SLC39A12: variants seen among roughly 807,000 people sequenced by gnomAD.
The protein encoded by SLC39A12 is zinc transporter ZIP12.
In SLC39A12, 63 loss-of-function variants were observed where a neutral mutation model predicts 71.1. That is an observed-to-expected ratio of 0.89 (90% CI 0.72 to 1.09). SLC39A12 has a LOEUF of 1.09. Among genes scored for constraint, SLC39A12 ranks in the 50% least tolerant of loss-of-function variants. The pLI is 0.00. For synonymous variants in SLC39A12, 351 were observed against 301.3 expected, an observed-to-expected ratio of 1.16 and a Z score of -1.71; for missense variants, 892 against 812.6, an observed-to-expected ratio of 1.10 and a Z score of -1.19.
At chr10:18,042,494 A>G (rs952957193) in intron 12 of SLC39A12, among the ~76,000 whole-genome samples, 7 of 151,424 alleles carry the variant, frequency 4.6e-5, no homozygotes, top group African/African-American at 1.7e-4. Context: ...GACTTTGCCA[A>G]TCCTGGGATC....
At chr10:17,965,207 A>G (rs937420645) in intron 3 of SLC39A12, among the ~76,000 whole-genome samples, 4 of 151,478 alleles carry the variant, frequency 2.6e-5, no homozygotes, top group African/African-American at 9.8e-5. Context: ...AACTCGGTCT[A>G]AAAAAAAGAA....
intron 5 of SLC39A12, 122 bp from the exon 6 acceptor site, chr10:17,981,190 C>T (rs1434009108): frequency 1.6e-5 from 12 of 761,776 alleles, no homozygotes; most frequent in Non-Finnish European, 2.2e-5. Context: ...ACGTGTCGTA[C>T]CGGCTTCATG....
At chr10:17,958,504 C>T (rs114322503) in intron 2 of SLC39A12, among the ~76,000 whole-genome samples, 1,837 of 152,220 alleles carry the variant, frequency 0.012, 34 homozygotes, top group African/African-American at 0.042. Context: ...GAAAAATTAC[C>T]GGTCAAAGTG....
At chr10:17,971,258 G>GTCCCTCCCCCCCCCC (rs1834965298) in intron 4 of SLC39A12, among the ~76,000 whole-genome samples, 1 of 56,566 alleles carries the variant, frequency 1.8e-5, no homozygotes, top group African/African-American at 6.9e-5. Context: ...ATATTGGCCT[G>GTCCCTCCCCCCCCCC]CCCCTCCCCT....
chr10:17,982,096 C>T (rs1343984093), intron 6 of SLC39A12, among the ~76,000 whole-genome samples: 1 of 152,106 alleles, frequency 6.6e-6, no homozygotes, highest in Non-Finnish European at 1.5e-5. Flanking sequence ...TACAGTAAAC[C>T]AAAGCTCACT....
chr10:17,963,654 A>G (rs1477750757), intron 3 of SLC39A12, among the ~76,000 whole-genome samples: 3 of 152,134 alleles, frequency 2.0e-5, no homozygotes, highest in Admixed American at 6.5e-5. Context: ...TAGGAAGTCA[A>G]TCAGTCCAGA....
At position 17,995,685 on chromosome 10, in the gene SLC39A12, A is replaced by C. The variant is rs781234106; in HGVS notation, c.1563A>C (p.Glu521Asp). The C allele has an allele frequency of 1.1e-5, 18 of 1,613,554 alleles. No homozygotes were observed. In the African/African-American group the frequency reaches 2.3e-4, roughly 20 times the overall value. The change falls in exon 10 of 13, where the codon GAA becomes GAC. Residue 521 changes from glutamate (E) to aspartate (D), a missense_variant. Coordinates refer to ENST00000377369, the MANE Select transcript of SLC39A12 (RefSeq NM_001145195.2). ...LKSPEDSQAA[E>D]MPIGSMTASN... ...GCCCAGAAGATTCACAGGCAGCTGA[A>C]ATGCCTATAGGCAGTATGACAGCCT...
chr10:17,964,957 G>A (rs1834785530), intron 3 of SLC39A12, among the ~76,000 whole-genome samples: 2 of 152,106 alleles, frequency 1.3e-5, no homozygotes, highest in African/African-American at 2.4e-5. Context: ...CTGTAATCCC[G>A]GCACTTTGGG....
chr10:17,982,956 C>T (rs948902882), intron 6 of SLC39A12, among the ~76,000 whole-genome samples: 18 of 151,612 alleles, frequency 1.2e-4, no homozygotes, highest in Non-Finnish European at 2.2e-4. Context: ...TTCGGGAGGC[C>T]GAGGCGGGTG....
chr10:17,978,613 G>T (rs965821917), intron 5 of SLC39A12, among the ~76,000 whole-genome samples: 1 of 151,986 alleles, frequency 6.6e-6, no homozygotes, highest in African/African-American at 2.4e-5. Context: ...GAACAAATAC[G>T]GTCTCTTCAT....
chr10:18,018,257 A>T (rs1238226882), intron 12 of SLC39A12, among the ~76,000 whole-genome samples: 1 of 152,152 alleles, frequency 6.6e-6, no homozygotes. Context: ...GCTATACTTG[A>T]TTATGTGTTC....
intron 4 of SLC39A12, among the ~76,000 whole-genome samples, chr10:17,966,978 A>T (rs1834842000): frequency 6.6e-6 from 1 of 152,190 alleles, no homozygotes; most frequent in Non-Finnish European, 1.5e-5. Flanking sequence ...CATCTCAAAA[A>T]AAAAAAATTC....
intron 12 of SLC39A12, among the ~76,000 whole-genome samples, chr10:18,020,853 A>G (rs900544890): frequency 2.6e-5 from 4 of 151,896 alleles, no homozygotes; most frequent in Admixed American, 1.3e-4. Context: ...TAAGTTTCTT[A>G]TAGATTTTGG....
At chr10:17,963,585 C>T (rs1488149704) in intron 3 of SLC39A12, among the ~76,000 whole-genome samples, 1 of 152,176 alleles carries the variant, frequency 6.6e-6, no homozygotes, top group Non-Finnish European at 1.5e-5. Flanking sequence ...CTGGATGACA[C>T]CACTGTCTCT....
At chr10:18,002,045 A>T (rs1835851274) in intron 11 of SLC39A12, 1 of 151,444 alleles carries the variant, frequency 6.6e-6, no homozygotes, top group Non-Finnish European at 1.5e-5. Flanking sequence ...CCATGAATTC[A>T]ATTGTTTTGA....
At chr10:18,000,988 A>C (rs1169563299) in intron 11 of SLC39A12, among the ~76,000 whole-genome samples, 163 bp downstream of exon 11, 1 of 152,176 alleles carries the variant, frequency 6.6e-6, no homozygotes, top group Non-Finnish European at 1.5e-5. Context: ...TAGAAAAATA[A>C]CTCCTGTACC....
chr10:18,039,940 A>G (rs1564667480), intron 12 of SLC39A12, among the ~76,000 whole-genome samples: 1 of 152,244 alleles, frequency 6.6e-6, no homozygotes, highest in Non-Finnish European at 1.5e-5. Flanking sequence ...ACTAATATCA[A>G]GGCATTTAGT....
intron 8 of SLC39A12, among the ~76,000 whole-genome samples, chr10:17,992,242 T>C (rs1206113574): frequency 3.9e-5 from 6 of 152,120 alleles, no homozygotes; most frequent in Admixed American, 3.9e-4. Context: ...AGCTACATGA[T>C]AAAATAGATT....
intron 12 of SLC39A12, among the ~76,000 whole-genome samples, chr10:18,036,794 A>ATTTTTTTTTT (rs746691202): frequency 1.9e-4 from 18 of 92,860 alleles, no homozygotes; most frequent in African/African-American, 6.7e-4. Flanking sequence ...ATATATATAT[A>ATTTTTTTTTT]TTTTTTTTTT....
Sources: allele counts gnomAD v4.1 joint callset (sites outside exome capture counted in the v4.1 genomes callset), GRCh38; gene constraint gnomAD v4.1.1; transcripts MANE v1.5; gene names NCBI Gene and HGNC (gene_info 2026-07-23, HGNC 2026-07-21).